SECTM1: variants seen among roughly 807,000 people sequenced by gnomAD.
SECTM1 encodes the protein secreted and transmembrane 1.
A neutral mutation model predicts 18.1 loss-of-function variants in SECTM1; 10 were observed. The observed-to-expected ratio is 0.55, with a 90% CI of 0.34 to 0.94. The LOEUF is 0.94. SECTM1 is among the 40% of genes least tolerant of loss of function. SECTM1 has a pLI of 0.02. For missense variants in SECTM1, 297 were observed against 322.6 expected (o/e 0.92, Z 0.61); for synonymous variants, 137 against 139.2 (o/e 0.98, Z 0.11).
intron 1 of SECTM1, among the ~76,000 whole-genome samples, chr17:82,332,032 C>G (rs571738219): frequency 1.7e-4 from 26 of 152,094 alleles, no homozygotes; most frequent in Admixed American, 1.6e-3. Flanking sequence ...ATCCCAGTTA[C>G]TTGGGAGGCT....
chr17:82,324,482 C>T, intron 3 of SECTM1, 100 bp downstream of exon 3: 2 of 1,241,646 alleles, frequency 1.6e-6, no homozygotes, highest in South Asian at 1.5e-5. Context: ...TCTTCCTCCT[C>T]CTTCCCTCTC....
chr17:82,324,514 C>G (rs2052127342), intron 3 of SECTM1, 68 bp downstream of exon 3: 1 of 759,016 alleles, frequency 1.3e-6, no homozygotes, highest in African/African-American at 1.8e-5. Flanking sequence ...TCCCCCTGCC[C>G]AGGCCCCCTC....
rs2052144400 is a variant in SECTM1 at position 82,326,213 on chromosome 17, C to G, written c.94+934G>C. On this transcript the variant is annotated intron_variant, in intron 2 of 4. Coordinates refer to ENST00000269389, the MANE Select transcript of SECTM1 (RefSeq NM_003004.3). The surrounding 1 kb of genome is among the most constrained non-coding windows in gnomAD (Gnocchi z 4.3). ...GGGTTCTTCCACCTGGGATTCTTCCCTTTCAGTTTTGTTTTGTTTTTTGTT... is the reference window on the plus strand; with the variant it reads ...GGGTTCTTCCACCTGGGATTCTTCCGTTTCAGTTTTGTTTTGTTTTTTGTT... Among the ~76,000 whole-genome samples the G allele has an allele frequency of 6.6e-6, 1 of 152,258 alleles. No homozygotes were observed. The highest frequency in any genetic ancestry group is 2.1e-4 in the South Asian group (1 of 4,836).
At chr17:82,322,554 C>G (rs1002966763) in intron 4 of SECTM1, among the ~76,000 whole-genome samples, 184 bp from the exon 5 acceptor site, 2 of 152,190 alleles carry the variant, frequency 1.3e-5, no homozygotes, top group Non-Finnish European at 2.9e-5. Context: ...CCAAGGCACC[C>G]TCAGCAAGAG....
chr17:82,331,955 C>G (rs544167189), intron 1 of SECTM1, among the ~76,000 whole-genome samples: 1 of 151,928 alleles, frequency 6.6e-6, no homozygotes, highest in South Asian at 2.1e-4. Context: ...GTCTGAACAA[C>G]GTGGTGAAAC....
chr17:82,323,257 C>T (rs571759879), intron 3 of SECTM1: 106 of 524,842 alleles, frequency 2.0e-4, no homozygotes, highest in African/African-American at 1.9e-3. Flanking sequence ...AAACATCTAC[C>T]CCTGGATGTG....
intron 1 of SECTM1, 94 bp from the exon 2 acceptor site, chr17:82,327,386 G>C: frequency 1.4e-6 from 1 of 704,700 alleles, no homozygotes; most frequent in Non-Finnish European, 2.4e-6. Context: ...GGGAGGCTGG[G>C]GGTCCCCGAG....
At chr17:82,323,105 TC>T in intron 3 of SECTM1, 94 bp from the exon 4 acceptor site, 1 of 1,376,718 alleles carries the variant, frequency 7.3e-7, no homozygotes, top group Non-Finnish European at 9.9e-7. Context: ...TCCTACACAC[TC>T]CCTGGGGTGA....
At position 82,324,688 on chromosome 17, in the gene SECTM1, C is replaced by T. The variant is rs1306297447; in HGVS notation, c.297G>A (p.Val99=). The change falls in exon 3 of 5, where the codon GTG becomes GTA. Residue 99 remains valine (V), a synonymous_variant. Transcript: ENST00000269389. ...DGWQLQVQGG[V]AQLVIKGARD... ...GGGCGCCTTTGATCACCAGCTGTGC[C>T]ACGCCTCCCTGAACCTGGAGCTGCC... 1 of 1,614,116 alleles carries T rather than the reference C, an allele frequency of 6.2e-7. No homozygotes were observed. Among genetic ancestry groups the T allele is most frequent in the Non-Finnish European group, 8.5e-7 (1 of 1,180,014 alleles).
rs900863922 is a variant in SECTM1 at position 82,325,370 on chromosome 17, G to C, written c.95-480C>G. ...AGGCCTAGGCCAGGTGCAGGTGCTCGGCTGCGTGAGGAAGGGCAGGGCTTC... is the reference window on the plus strand; with the variant it reads ...AGGCCTAGGCCAGGTGCAGGTGCTCCGCTGCGTGAGGAAGGGCAGGGCTTC... On this transcript the variant is annotated intron_variant, in intron 2 of 4. Coordinates refer to ENST00000269389, the MANE Select transcript of SECTM1 (RefSeq NM_003004.3). This position sits in a 1 kb window ranked among gnomAD's most constrained non-coding sequence, Gnocchi z 7.6. Among the ~76,000 whole-genome samples, 3 of 152,246 alleles carry C rather than the reference G, an allele frequency of 2.0e-5. No homozygotes were observed. The East Asian group carries it at 5.8e-4, about 29-fold the overall frequency.
Position 82,325,723 on chromosome 17 carries a change from G to A in SECTM1, c.95-833C>T, listed in dbSNP as rs560891680. On this transcript the variant is annotated intron_variant, in intron 2 of 4. Coordinates refer to ENST00000269389, the MANE Select transcript of SECTM1 (RefSeq NM_003004.3). This position sits in a 1 kb window ranked among gnomAD's most constrained non-coding sequence, Gnocchi z 7.6. The stretch of plus-strand genomic sequence containing the variant: ...AAGGATGCCTGAGATTCAGGCCGTC[G>A]GGCCCGAGCATGGTACCAGCCTGAG... 2.7e-3 allele frequency among the ~76,000 whole-genome samples: 405 copies of A among 152,344 alleles called. 5 individuals are homozygous for A. Among genetic ancestry groups the A allele is most frequent in the African/African-American group, 9.2e-3 (382 of 41,576 alleles).
chr17:82,326,998 C>T lies in SECTM1; in HGVS notation c.94+149G>A. On this transcript the variant is annotated intron_variant, in intron 2 of 4. Coordinates refer to ENST00000269389, the MANE Select transcript of SECTM1 (RefSeq NM_003004.3). This position sits in a 1 kb window ranked among gnomAD's most constrained non-coding sequence, Gnocchi z 4.3. ...CACCGCCACCTGAGGCAGCCCAGCT[C>T]CACATGGTCAGGCCCTGGGTCTGCA... is the stretch of plus-strand genomic sequence containing the variant. 1 of 612,456 alleles carries T rather than the reference C, an allele frequency of 1.6e-6. No homozygotes were observed. The highest frequency in any genetic ancestry group is 2.9e-6 in the Non-Finnish European group (1 of 348,640). The allele number at this position is 612,456 out of a possible 1,614,324, so 37.9% of individuals were successfully genotyped here.
In SECTM1 at chr17:82,330,136, G is replaced by A. The variant is rs776173286; in HGVS notation, c.-52-2844C>T. The stretch of plus-strand genomic sequence containing the variant: ...CCGGCTCCCTCACCCCACGCTCCAC[G>A]ATGCCAGCTCAGCCACCCACCTTGG... On this transcript the variant is annotated intron_variant, in intron 1 of 4. Transcript: ENST00000269389. This position sits in a 1 kb window ranked among gnomAD's most constrained non-coding sequence, Gnocchi z 6.1. Among the ~76,000 whole-genome samples the A allele has an allele frequency of 2.0e-5, 3 of 152,132 alleles. No homozygotes were observed. Among genetic ancestry groups the A allele is most frequent in the Non-Finnish European group, 4.4e-5 (3 of 68,004 alleles).
rs1202219460 is a variant in SECTM1, at chr17:82,324,838, C to T, written c.147G>A (p.Glu49=). Residue 49 remains glutamate, a synonymous_variant, in exon 3 of 5, where the codon GAG becomes GAA. Transcript: ENST00000269389. ...AGATGTTGCAGGACATGACGGTGTT[C>T]TCGCCCCAAGACACAGAGACTACCC... is the stretch of plus-strand genomic sequence containing the variant. ...TEGVVSVSWG[E]NTVMSCNISN... is the part of the protein sequence containing the mutation. 6.2e-7 allele frequency: 1 copy of T among 1,613,908 alleles called. No individual in the cohort carries two copies. The highest frequency in any genetic ancestry group is 8.5e-7 in the Non-Finnish European group (1 of 1,179,992).
Position 82,321,872 on chromosome 17 carries a change from T to G in SECTM1, c.*289A>C. On this transcript the variant is annotated 3_prime_UTR_variant, in exon 5 of 5. Coordinates refer to ENST00000269389, the MANE Select transcript of SECTM1 (RefSeq NM_003004.3). ...CCAGCCTGGGGTGGCAGAAAGGGAG[T>G]CCGGGTCTGTGGGTTTGATGAGGGC... The G allele has an allele frequency of 7.6e-6, 3 of 396,954 alleles. No individual in the cohort carries two copies. Among genetic ancestry groups the G allele is most frequent in the Non-Finnish European group, 1.4e-5 (3 of 215,924 alleles). 24.6% of individuals were successfully genotyped at this position (396,954 alleles called of 1,614,324 possible). A position where few individuals can be genotyped will look rare whatever the true frequency, so the allele number is the denominator to read the frequency against.
In SECTM1 at chr17:82,330,159, T is replaced by G. The variant is rs2052180231; in HGVS notation, c.-52-2867A>C. On this transcript the variant is annotated intron_variant, in intron 1 of 4. Transcript: ENST00000269389. The surrounding 1 kb of genome is among the most constrained non-coding windows in gnomAD (Gnocchi z 6.1). Reference sequence around the variant, plus strand: ...ACGATGCCAGCTCAGCCACCCACCTTGGAACCGTGCAGATGGACAGCAGGG... The same window carrying G: ...ACGATGCCAGCTCAGCCACCCACCTGGGAACCGTGCAGATGGACAGCAGGG... 1.3e-5 allele frequency among the ~76,000 whole-genome samples: 2 copies of G among 152,104 alleles called. No individual in the cohort carries two copies. The highest frequency in any genetic ancestry group is 4.8e-5 in the African/African-American group (2 of 41,410).
In SECTM1 at chr17:82,326,112, C is replaced by T. The variant is rs565012602; in HGVS notation, c.94+1035G>A. On this transcript the variant is annotated intron_variant, in intron 2 of 4. Transcript: ENST00000269389. The surrounding 1 kb of genome is among the most constrained non-coding windows in gnomAD (Gnocchi z 4.3). ...ACACCGTCCCGAGGGCAGCGGGCGG[C>T]TGTCCAGGGGGTGCCCCAGCCCAGT... is the stretch of plus-strand genomic sequence containing the variant. Among the ~76,000 whole-genome samples the T allele has an allele frequency of 2.7e-4, 41 of 152,368 alleles. No homozygotes were observed. Among genetic ancestry groups the T allele is most frequent in the African/African-American group, 9.6e-4 (40 of 41,594 alleles).
At position 82,330,998 on chromosome 17, in the gene SECTM1, C is replaced by T. The variant is rs934253924; in HGVS notation, c.-53+2702G>A. Among the ~76,000 whole-genome samples the T allele has an allele frequency of 1.3e-5, 2 of 152,202 alleles. No individual in the cohort carries two copies. Among genetic ancestry groups the T allele is most frequent in the Non-Finnish European group, 2.9e-5 (2 of 68,028 alleles). ...ACACGCGGGTCCTCTCACTGCCTCT[C>T]CCCGGTCCTCCCTTCCTCCCAGCAC... On this transcript the variant is annotated intron_variant, in intron 1 of 4. Coordinates refer to ENST00000269389, the MANE Select transcript of SECTM1 (RefSeq NM_003004.3). This position sits in a 1 kb window ranked among gnomAD's most constrained non-coding sequence, Gnocchi z 6.1.
intron 4 of SECTM1, 118 bp downstream of exon 4, chr17:82,322,760 C>T: frequency 7.8e-7 from 1 of 1,278,462 alleles, no homozygotes; most frequent in Non-Finnish European, 1.1e-6. Context: ...GGGACCGGTG[C>T]TCCCCCCACC....
Sources: gnomAD v4.1 joint callset for allele counts (sites outside exome capture counted in the v4.1 genomes callset) on GRCh38, gnomAD v4.1.1 for gene constraint, Gnocchi (gnomAD v3.1) non-coding constraint, MANE v1.5 for transcripts, NCBI Gene and HGNC (gene_info 2026-07-23, HGNC 2026-07-21) for gene names.